ARHGEF3: variants seen among roughly 807,000 people sequenced by gnomAD.
The protein encoded by ARHGEF3 is 59.8 kDA protein.
In ARHGEF3, 28 loss-of-function variants were observed where a neutral mutation model predicts 63.2. That is an observed-to-expected ratio of 0.44 (90% CI 0.33 to 0.61). The LOEUF is 0.61. Ranked by LOEUF, ARHGEF3 falls within the 20% of genes least tolerant of loss-of-function variation. ARHGEF3 has a pLI of 0.03. For missense variants in ARHGEF3, 533 were observed against 659.3 expected (o/e 0.81, Z 2.10); for synonymous variants, 266 against 254.2 (o/e 1.05, Z -0.44).
chr3:56,957,475 T>A (rs1700092650), intron 3 of ARHGEF3, among the ~76,000 whole-genome samples: 1 of 152,236 alleles, frequency 6.6e-6, no homozygotes, highest in African/African-American at 2.4e-5. Flanking sequence ...CATTCATTCA[T>A]CTGACAAATT....
chr3:56,852,489 C>T (rs556260761), intron 4 of ARHGEF3, among the ~76,000 whole-genome samples: 19 of 152,262 alleles, frequency 1.2e-4, no homozygotes, highest in Admixed American at 3.9e-4. Flanking sequence ...CAGCCTGACA[C>T]ACTTACACAC....
At chr3:56,843,562 C>T (rs1393172282) in intron 4 of ARHGEF3, among the ~76,000 whole-genome samples, 1 of 152,144 alleles carries the variant, frequency 6.6e-6, no homozygotes, top group Non-Finnish European at 1.5e-5. Flanking sequence ...CCACCATGCC[C>T]AGCCCAAATT....
intron 1 of ARHGEF3, among the ~76,000 whole-genome samples, chr3:57,043,768 G>A (rs1579156599): frequency 6.6e-6 from 1 of 152,206 alleles, no homozygotes; most frequent in African/African-American, 2.4e-5. Flanking sequence ...AGTATAAGGA[G>A]GGCTGGGGCA....
chr3:56,899,105 G>A (rs550554823), intron 3 of ARHGEF3, among the ~76,000 whole-genome samples: 1 of 152,138 alleles, frequency 6.6e-6, no homozygotes, highest in East Asian at 1.9e-4. Context: ...CCACTGAGGG[G>A]TGAGGAGGTG....
chr3:57,017,053 C>CAG (rs1703049100), intron 2 of ARHGEF3, among the ~76,000 whole-genome samples: 2 of 151,482 alleles, frequency 1.3e-5, no homozygotes, highest in African/African-American at 4.8e-5. Context: ...CACACACACA[C>CAG]ACACACACAC....
chr3:56,962,907 T>C (rs1700341937), intron 2 of ARHGEF3, among the ~76,000 whole-genome samples: 1 of 152,348 alleles, frequency 6.6e-6, no homozygotes, highest in East Asian at 1.9e-4. Flanking sequence ...TGAAAACAAA[T>C]GTGACTGTTT....
At chr3:56,876,281 C>A (rs560688158) in intron 4 of ARHGEF3, among the ~76,000 whole-genome samples, 2 of 152,202 alleles carry the variant, frequency 1.3e-5, no homozygotes, top group African/African-American at 4.8e-5. Flanking sequence ...GCAGGCATGA[C>A]AAGATAAAAT....
At chr3:56,736,072 ACAC>A (rs2033607934) in intron 8 of ARHGEF3, among the ~76,000 whole-genome samples, 1 of 151,980 alleles carries the variant, frequency 6.6e-6, no homozygotes, top group African/African-American at 2.4e-5. Flanking sequence ...ACACACACAC[ACAC>A]ACACACACAC....
chr3:56,752,177 T>C (rs1559904767), intron 4 of ARHGEF3, among the ~76,000 whole-genome samples: 1 of 151,776 alleles, frequency 6.6e-6, no homozygotes, highest in Non-Finnish European at 1.5e-5. Context: ...CGCCTCGGCC[T>C]CCCAAAGTGC....
At chr3:56,934,583 A>C (rs1191553193) in intron 3 of ARHGEF3, among the ~76,000 whole-genome samples, 2 of 152,174 alleles carry the variant, frequency 1.3e-5, no homozygotes, top group Admixed American at 6.5e-5. Flanking sequence ...CTGCCAGCCC[A>C]GGGCAATGAG....
At position 57,030,055 on chromosome 3, in the gene ARHGEF3, G is replaced by A. The variant is rs76370612; in HGVS notation, c.62+5033C>T. On this transcript the variant is annotated intron_variant, in intron 2 of 12. Transcript: ENST00000338458. ...TAAGAGCAAGCAGCGAAACCACCAC[G>A]TCTAATGGGGAGGGCTTCGAGCACT... is the stretch of plus-strand genomic sequence containing the variant. 8.5e-3 allele frequency among the ~76,000 whole-genome samples: 1,291 copies of A among 152,294 alleles called. 15 individuals are homozygous for A. Among genetic ancestry groups the A allele is most frequent in the African/African-American group, 0.029 (1,207 of 41,556 alleles).
At chr3:56,989,279 A>G (rs562258667) in intron 2 of ARHGEF3, among the ~76,000 whole-genome samples, 91 of 149,616 alleles carry the variant, frequency 6.1e-4, no homozygotes, top group African/African-American at 2.2e-3. Flanking sequence ...ATTTTATTCC[A>G]CTCCTCGCTT....
chr3:56,742,422 G>A (rs1431840514), intron 7 of ARHGEF3, among the ~76,000 whole-genome samples: 1 of 152,156 alleles, frequency 6.6e-6, no homozygotes, highest in East Asian at 1.9e-4. Flanking sequence ...TTAAAGGCAA[G>A]ACCTCTTTTT....
chr3:56,830,672 G>A (rs1366631207), intron 4 of ARHGEF3, among the ~76,000 whole-genome samples: 1 of 152,166 alleles, frequency 6.6e-6, no homozygotes, highest in African/African-American at 2.4e-5. Flanking sequence ...GGTGCTGTTC[G>A]CCTCTCAGCC....
chr3:56,818,122 C>A (rs1205198346), intron 4 of ARHGEF3, among the ~76,000 whole-genome samples: 1 of 152,192 alleles, frequency 6.6e-6, no homozygotes, highest in Non-Finnish European at 1.5e-5. Context: ...ACATAATGAG[C>A]TAACCCTCTG....
At chr3:56,886,969 T>G (rs1467019011) in intron 3 of ARHGEF3, among the ~76,000 whole-genome samples, 1 of 152,180 alleles carries the variant, frequency 6.6e-6, no homozygotes, top group African/African-American at 2.4e-5. Context: ...ACAGAAGGTC[T>G]AGGAAGGTGT....
At chr3:56,816,992 A>G (rs967396297) in intron 4 of ARHGEF3, among the ~76,000 whole-genome samples, 1 of 152,186 alleles carries the variant, frequency 6.6e-6, no homozygotes, top group African/African-American at 2.4e-5. Context: ...CTGCTGATCA[A>G]TCAGGGGGTT....
At chr3:56,808,590 A>T (rs1221260144) in intron 4 of ARHGEF3, among the ~76,000 whole-genome samples, 2 of 152,176 alleles carry the variant, frequency 1.3e-5, no homozygotes, top group Non-Finnish European at 2.9e-5. Context: ...AACCTGTCTC[A>T]AAATAATTAA....
intron 3 of ARHGEF3, among the ~76,000 whole-genome samples, chr3:56,957,012 C>T (rs189277048): frequency 6.6e-6 from 1 of 152,288 alleles, no homozygotes; most frequent in East Asian, 1.9e-4. Flanking sequence ...CCTGCAGTAG[C>T]GAGCATATTT....
Sources: gnomAD v4.1 joint callset for allele counts (sites outside exome capture counted in the v4.1 genomes callset) on GRCh38, gnomAD v4.1.1 for gene constraint, MANE v1.5 for transcripts, NCBI Gene and HGNC (gene_info 2026-07-23, HGNC 2026-07-21) for gene names.